The following LDLRAD4 variants were observed in gnomAD, a reference collection of about 807,000 sequenced individuals.
LDLRAD4 encodes the protein low-density lipoprotein receptor class A domain-containing protein 4.
Under a neutral mutation model 17.0 loss-of-function variants are expected in LDLRAD4, and 5 were observed. The ratio of observed to expected loss-of-function variants is 0.29; its 90% CI spans 0.15 to 0.62. The LOEUF (loss-of-function observed/expected upper bound fraction) is 0.62. Ranked by LOEUF, LDLRAD4 falls within the 20% of genes least tolerant of loss-of-function variation. The pLI, the probability that LDLRAD4 is intolerant of heterozygous loss-of-function variation, is 0.84. For synonymous variants in LDLRAD4, 168 were observed against 171.8 expected (o/e 0.98, Z 0.17); for missense variants, 340 against 424.7 (o/e 0.80, Z 1.75).
At chr18:13,509,929 A>G (rs2093751460) in intron 3 of LDLRAD4, among the ~76,000 whole-genome samples, 1 of 152,252 alleles carries the variant, frequency 6.6e-6, no homozygotes, top group Non-Finnish European at 1.5e-5. Flanking sequence ...CTTTTTAGCA[A>G]TGAAGTGTCT....
In LDLRAD4 at chr18:13,311,855, G is replaced by A. The variant is rs191209297; in HGVS notation, c.-383+33667G>A. On this transcript the variant is annotated intron_variant, in intron 1 of 5. Coordinates refer to ENST00000359446, the Ensembl canonical transcript of LDLRAD4. ...AAACTTTTTTTTTTTTTTTTGAGACGGAGTCTTGCTCTGTTGCCCAGGCTG... is the reference window on the plus strand; with the variant it reads ...AAACTTTTTTTTTTTTTTTTGAGACAGAGTCTTGCTCTGTTGCCCAGGCTG... 3.9e-4 allele frequency among the ~76,000 whole-genome samples: 56 copies of A among 142,242 alleles called. 1 individual carries two copies. In the East Asian group the frequency reaches 0.011, roughly 27 times the overall value. The allele number at this position is 142,242 out of a possible 152,430, so 93.3% of individuals were successfully genotyped here.
chr18:13,255,095 C>T (rs985496788), intron 1 of LDLRAD4, among the ~76,000 whole-genome samples: 2 of 152,164 alleles, frequency 1.3e-5, no homozygotes, highest in African/African-American at 2.4e-5. Flanking sequence ...CGTGAGGGCT[C>T]GAGACTAAGG....
chr18:13,422,946 T>C (rs947328936), intron 2 of LDLRAD4, among the ~76,000 whole-genome samples: 8 of 152,046 alleles, frequency 5.3e-5, no homozygotes, highest in African/African-American at 1.4e-4. Flanking sequence ...AGTGTGGCAC[T>C]GGAGCTGGTA....
chr18:13,387,716 G>T, exon 2 of LDLRAD4: 1 of 1,613,904 alleles, frequency 6.2e-7, no homozygotes, highest in Non-Finnish European at 8.5e-7. Context: ...CTTGTCCGGG[G>T]AGCAGTATGC....
At chr18:13,304,161 C>T (rs373554994) in intron 1 of LDLRAD4, among the ~76,000 whole-genome samples, 90 of 152,300 alleles carry the variant, frequency 5.9e-4, no homozygotes, top group East Asian at 2.9e-3. Context: ...GGCGGCTTCC[C>T]GGCTTCCACA....
At chr18:13,532,195 T>A (rs372111990) in intron 3 of LDLRAD4, among the ~76,000 whole-genome samples, 2 of 152,284 alleles carry the variant, frequency 1.3e-5, no homozygotes, top group East Asian at 1.9e-4. Context: ...CCGCCGTGCA[T>A]GCGGTGGACG....
intron 1 of LDLRAD4, among the ~76,000 whole-genome samples, chr18:13,360,272 G>A (rs946684028): frequency 1.3e-5 from 2 of 152,218 alleles, no homozygotes; most frequent in African/African-American, 4.8e-5. Flanking sequence ...TTTAGTTTCA[G>A]ACCAATAATA....
intron 3 of LDLRAD4, among the ~76,000 whole-genome samples, chr18:13,529,702 A>G (rs1480480139): frequency 6.6e-6 from 1 of 152,274 alleles, no homozygotes; most frequent in African/African-American, 2.4e-5. Context: ...TTGGATCAAT[A>G]GCGATCCTAT....
intron 2 of LDLRAD4, among the ~76,000 whole-genome samples, chr18:13,416,115 G>A (rs551723611): frequency 6.6e-6 from 1 of 152,354 alleles, no homozygotes; most frequent in African/African-American, 2.4e-5. Context: ...TCACTCTGCT[G>A]AGTCCAGCTC....
intron 2 of LDLRAD4, among the ~76,000 whole-genome samples, chr18:13,405,602 A>ATTT (rs540287028): frequency 5.0e-4 from 67 of 135,078 alleles, no homozygotes; most frequent in South Asian, 3.8e-3. Flanking sequence ...GGCTAATTAA[A>ATTT]TTTTTTTTTT....
At chr18:13,484,677 A>C (rs2146999421) in intron 3 of LDLRAD4, among the ~76,000 whole-genome samples, 1 of 152,288 alleles carries the variant, frequency 6.6e-6, no homozygotes, top group South Asian at 2.1e-4. Flanking sequence ...TTCTTACAGA[A>C]ATTTTCTTCT....
At chr18:13,525,171 G>T (rs185634108) in intron 3 of LDLRAD4, among the ~76,000 whole-genome samples, 1 of 152,320 alleles carries the variant, frequency 6.6e-6, no homozygotes, top group Admixed American at 6.5e-5. Context: ...GCAGACCTGT[G>T]TGTTGAGCCC....
chr18:13,532,783 G>A (rs1251055553), intron 3 of LDLRAD4, among the ~76,000 whole-genome samples: 2 of 152,190 alleles, frequency 1.3e-5, no homozygotes, highest in African/African-American at 4.8e-5. Context: ...CAGTCCTGGT[G>A]CCCAGGGTGG....
intron 3 of LDLRAD4, among the ~76,000 whole-genome samples, chr18:13,532,336 G>A (rs1045920024): frequency 2.0e-5 from 3 of 152,192 alleles, no homozygotes; most frequent in Non-Finnish European, 2.9e-5. Flanking sequence ...CTGAAACTTC[G>A]GTGGTAGTAT....
At chr18:13,263,850 G>A (rs1312936055) in intron 1 of LDLRAD4, among the ~76,000 whole-genome samples, 7 of 152,126 alleles carry the variant, frequency 4.6e-5, no homozygotes, top group Non-Finnish European at 5.9e-5. Flanking sequence ...GGTCATGATT[G>A]GGTGGTAACT....
At chr18:13,442,144 T>C (rs74905925) in intron 3 of LDLRAD4, among the ~76,000 whole-genome samples, 3,051 of 152,322 alleles carry the variant, frequency 0.02, 87 homozygotes, top group East Asian at 0.081. Flanking sequence ...AATTATTCCT[T>C]ATACAAACAA....
intron 3 of LDLRAD4, chr18:13,489,294 A>G (rs1477799222): frequency 6.6e-6 from 1 of 152,062 alleles, no homozygotes; most frequent in Non-Finnish European, 1.5e-5. Flanking sequence ...AGCTGGGATT[A>G]TAGGCACACA....
intron 4 of LDLRAD4, among the ~76,000 whole-genome samples, chr18:13,623,017 C>T (rs1053321381): frequency 6.6e-6 from 1 of 152,196 alleles, no homozygotes; most frequent in Non-Finnish European, 1.5e-5. Flanking sequence ...TCAGGCAGCT[C>T]CTTGCTCTGT....
intron 3 of LDLRAD4, among the ~76,000 whole-genome samples, chr18:13,506,741 A>G (rs909388261): frequency 6.6e-6 from 1 of 152,234 alleles, no homozygotes; most frequent in African/African-American, 2.4e-5. Flanking sequence ...TTCAAAGGAC[A>G]GGCTAAATTT....
Sources: gnomAD v4.1 joint callset for allele counts (sites outside exome capture counted in the v4.1 genomes callset) on GRCh38, gnomAD v4.1.1 for gene constraint, MANE v1.5 for transcripts, NCBI Gene and HGNC (gene_info 2026-07-23, HGNC 2026-07-21) for gene names.